The following IL1RAPL2 variants were observed in gnomAD, a reference collection of about 807,000 sequenced individuals.
IL1RAPL2 encodes interleukin 1 receptor accessory protein like 2, also known as X-linked interleukin-1 receptor accessory protein-like 2.
Under a neutral mutation model 44.1 loss-of-function variants are expected in IL1RAPL2, and 3 were observed. That is an observed-to-expected ratio of 0.07 (90% CI 0.03 to 0.18). The LOEUF is 0.18. Ranked by LOEUF, IL1RAPL2 falls within the 10% of genes least tolerant of loss-of-function variation. The pLI, the probability that IL1RAPL2 is intolerant of heterozygous loss-of-function variation, is 1.00. For synonymous variants in IL1RAPL2, 181 were observed against 178.8 expected, an observed-to-expected ratio of 1.01 and a Z score of -0.10; for missense variants, 391 against 496.4, an observed-to-expected ratio of 0.79 and a Z score of 2.02.
At chrX:105,127,776 C>A (rs1304812773) in intron 2 of IL1RAPL2, among the ~76,000 whole-genome samples, 3 of 110,784 alleles carry the variant, frequency 2.7e-5, no homozygotes, top group African/African-American at 9.8e-5. Flanking sequence ...TATTTAATAC[C>A]TTTAACAGTA....
rs756913102 is a variant in IL1RAPL2 at position 104,730,175 on chromosome X, TCA to T, written c.82+71184_82+71185del. Among the ~76,000 whole-genome samples, 391 of 111,494 alleles carry T rather than the reference TCA, an allele frequency of 3.5e-3. 2 individuals are homozygous for T. The highest frequency in any genetic ancestry group is 0.012 in the African/African-American group (369 of 30,813). On this transcript the variant is annotated intron_variant, in intron 2 of 10. Transcript: ENST00000372582. ...GAAATACTAGGAAACGTTGAAATAT[TCA>T]CACTCATATTTGAAGACTTTTTAAA...
intron 2 of IL1RAPL2, among the ~76,000 whole-genome samples, chrX:104,678,051 A>G (rs1007698275): frequency 8.9e-6 from 1 of 112,111 alleles, no homozygotes; most frequent in African/African-American, 3.2e-5. Flanking sequence ...AGAAATCACC[A>G]TCTTCTGCGT....
At chrX:105,530,374 T>C (rs1282732180) in intron 6 of IL1RAPL2, among the ~76,000 whole-genome samples, 1 of 111,830 alleles carries the variant, frequency 8.9e-6, no homozygotes, top group East Asian at 2.8e-4. Context: ...ACCTTCTTTG[T>C]AGAAATATCT....
intron 6 of IL1RAPL2, among the ~76,000 whole-genome samples, chrX:105,653,236 A>C (rs956639845): frequency 5.4e-5 from 6 of 111,583 alleles, no homozygotes; most frequent in African/African-American, 2.0e-4. Flanking sequence ...TTTTCTTCAG[A>C]AACTTGAATT....
Position 105,406,019 on chromosome X carries a change from G to A in IL1RAPL2, c.698-78294G>A. The A allele has an allele frequency of 3.3e-6, 4 of 1,206,842 alleles. No homozygotes were observed. The South Asian group carries it at 5.3e-5, about 16-fold the overall frequency. On this transcript the variant is annotated intron_variant, in intron 5 of 10. Coordinates refer to ENST00000372582, the MANE Select transcript of IL1RAPL2 (RefSeq NM_017416.2). ...GATTGTTAGGATTCCACACAGACTG[G>A]CTGACATTAAATGTTGGAGGGCGGT...
chrX:104,763,603 A>C (rs2147592638), intron 2 of IL1RAPL2, among the ~76,000 whole-genome samples: 1 of 111,903 alleles, frequency 8.9e-6, no homozygotes, highest in Admixed American at 9.5e-5. Context: ...AATTTATAAA[A>C]GAGGAGGCCT....
intron 2 of IL1RAPL2, among the ~76,000 whole-genome samples, chrX:105,137,484 A>G (rs1202739773): frequency 2.7e-5 from 3 of 111,839 alleles, no homozygotes; most frequent in South Asian, 7.5e-4. Context: ...TTTTTGGTGA[A>G]TAAGTGGGAA....
intron 6 of IL1RAPL2, among the ~76,000 whole-genome samples, chrX:105,512,353 A>G (rs1029192788): frequency 9.0e-6 from 1 of 111,198 alleles, no homozygotes; most frequent in Non-Finnish European, 1.9e-5. Context: ...TTTCCTGTAG[A>G]TAGGAAACCT....
intron 1 of IL1RAPL2, among the ~76,000 whole-genome samples, chrX:104,654,853 G>A (rs1029980984): frequency 1.8e-5 from 2 of 111,000 alleles, no homozygotes; most frequent in Non-Finnish European, 3.8e-5. Flanking sequence ...TTAATTCGTT[G>A]AGCAGTGGTT....
At chrX:105,591,329 C>T (rs190920145) in intron 6 of IL1RAPL2, among the ~76,000 whole-genome samples, 2 of 109,028 alleles carry the variant, frequency 1.8e-5, no homozygotes, top group Non-Finnish European at 3.8e-5. Context: ...TAGTCTAGCT[C>T]GGGATCTATC....
In IL1RAPL2 at chrX:105,408,550, G is replaced by GGGA. The variant is rs2035667493; in HGVS notation, c.698-75758_698-75756dup. Among the ~76,000 whole-genome samples, 4 of 111,363 alleles carry GGGA rather than the reference G, an allele frequency of 3.6e-5. No individual in the cohort carries two copies. In the Admixed American group the frequency reaches 3.8e-4, roughly 11 times the overall value. On this transcript the variant is annotated intron_variant, in intron 5 of 10. Transcript: ENST00000372582. ...ACAGTAAAGGGTACATATGCATAGT[G>GGGA]GGAGGAGATCAGACCTTTACAAGTG... is the stretch of plus-strand genomic sequence containing the variant.
At chrX:105,371,571 G>C (rs2035341134) in intron 5 of IL1RAPL2, among the ~76,000 whole-genome samples, 1 of 111,564 alleles carries the variant, frequency 9.0e-6, no homozygotes, top group African/African-American at 3.2e-5. Context: ...ATATTTTTCA[G>C]TTCATTCTTT....
At chrX:105,620,551 A>G (rs1436412173) in intron 6 of IL1RAPL2, among the ~76,000 whole-genome samples, 1 of 110,443 alleles carries the variant, frequency 9.1e-6, no homozygotes, top group Non-Finnish European at 1.9e-5. Flanking sequence ...TAGAGATGCT[A>G]AGTAACTTAG....
chrX:105,690,803 C>T (rs1003648733), intron 6 of IL1RAPL2, among the ~76,000 whole-genome samples: 1 of 111,677 alleles, frequency 9.0e-6, no homozygotes, highest in African/African-American at 3.3e-5. Context: ...CCAAACATAG[C>T]AAAATATTAT....
intron 2 of IL1RAPL2, among the ~76,000 whole-genome samples, chrX:104,748,709 A>G (rs1932213123): frequency 2.7e-5 from 3 of 111,578 alleles, no homozygotes. Context: ...TGAATGAACC[A>G]TCTTCAGAGT....
chrX:104,899,766 C>G (rs751838106), intron 2 of IL1RAPL2, among the ~76,000 whole-genome samples: 7 of 111,909 alleles, frequency 6.3e-5, no homozygotes, highest in Non-Finnish European at 1.3e-4. Context: ...TCCAAGTCTT[C>G]TCATCTCTCC....
At chrX:105,442,857 C>T (rs1294743520) in intron 5 of IL1RAPL2, among the ~76,000 whole-genome samples, 1 of 111,814 alleles carries the variant, frequency 8.9e-6, no homozygotes, top group Non-Finnish European at 1.9e-5. Flanking sequence ...CGGCAGATCA[C>T]TTGAGGACGG....
intron 2 of IL1RAPL2, among the ~76,000 whole-genome samples, chrX:104,788,462 A>T (rs924135538): frequency 1.8e-5 from 2 of 112,303 alleles, no homozygotes; most frequent in Non-Finnish European, 3.8e-5. Flanking sequence ...AACTAGAATC[A>T]TTGGTTCAGC....
At chrX:105,425,864 G>A (rs2035805730) in intron 5 of IL1RAPL2, among the ~76,000 whole-genome samples, 1 of 109,892 alleles carries the variant, frequency 9.1e-6, no homozygotes, top group African/African-American at 3.3e-5. Context: ...CCAACAAAAA[G>A]AACATCAACA....
Sources: allele counts gnomAD v4.1 joint callset (sites outside exome capture counted in the v4.1 genomes callset), GRCh38; gene constraint gnomAD v4.1.1; transcripts MANE v1.5; gene names NCBI Gene and HGNC (gene_info 2026-07-23, HGNC 2026-07-21).